The following SLC22A15 variants were observed in gnomAD, a reference collection of about 807,000 sequenced individuals.
SLC22A15 encodes flipt 1.
A neutral mutation model predicts 62.7 loss-of-function variants in SLC22A15; 45 were observed. The ratio of observed to expected loss-of-function variants is 0.72; its 90% CI spans 0.56 to 0.92. The LOEUF (loss-of-function observed/expected upper bound fraction) is 0.92, where lower values mean the gene tolerates loss of function less well. Ranked by LOEUF, SLC22A15 falls within the 40% of genes least tolerant of loss-of-function variation. The pLI is 0.00. For synonymous variants in SLC22A15, 264 were observed against 267.0 expected (o/e 0.99, Z 0.11); for missense variants, 622 against 665.6 (o/e 0.93, Z 0.72).
At position 116,010,201 on chromosome 1, in the gene SLC22A15, C is replaced by T. The variant is rs558274442; in HGVS notation, c.301-9381C>T. On this transcript the variant is annotated intron_variant, in intron 2 of 11. Coordinates refer to ENST00000369503, the MANE Select transcript of SLC22A15 (RefSeq NM_018420.3). ...CTCATTCAGAAAGCACCAAATATCACGGAGACACACAATTATCATGCTTAA... is the reference window on the plus strand; with the variant it reads ...CTCATTCAGAAAGCACCAAATATCATGGAGACACACAATTATCATGCTTAA... Among the ~76,000 whole-genome samples, 34 of 152,248 alleles carry T rather than the reference C, an allele frequency of 2.2e-4. No homozygotes were observed. The South Asian group carries it at 5.8e-3, about 26-fold the overall frequency.
At chr1:116,032,178 G>A (rs1657437648) in intron 6 of SLC22A15, 4 of 985,390 alleles carry the variant, frequency 4.1e-6, no homozygotes, top group Middle Eastern at 5.2e-4. Context: ...GATTTTTCTG[G>A]TTGTTTAGCT....
At chr1:116,043,885 T>A (rs183436507) in intron 8 of SLC22A15, among the ~76,000 whole-genome samples, 97 of 152,284 alleles carry the variant, frequency 6.4e-4, no homozygotes, top group Middle Eastern at 3.4e-3. Context: ...GATTATAAAC[T>A]ACCAAAGCTT....
At chr1:115,980,948 C>T (rs1654581251) in intron 1 of SLC22A15, among the ~76,000 whole-genome samples, 1 of 152,076 alleles carries the variant, frequency 6.6e-6, no homozygotes, top group Admixed American at 6.6e-5. Context: ...AATCAATATT[C>T]CTTTGATCAA....
intron 2 of SLC22A15, among the ~76,000 whole-genome samples, chr1:115,999,691 A>G (rs980444298): frequency 4.6e-5 from 7 of 151,670 alleles, no homozygotes; most frequent in African/African-American, 1.5e-4. Context: ...TTTAGTAGTG[A>G]TGGTGTTTCA....
chr1:116,035,275 C>T lies in SLC22A15; in HGVS notation c.1033C>T (p.Leu345Phe). ...TTATGCCAACCTGGCCCTGTCTGGC[C>T]TCATAGAGATTCCATCTTACCCTCT... The part of the protein sequence containing the change: ...SIYANLALSG[L>F]IEIPSYPLCI... The change falls in exon 7 of 12, where the codon CTC becomes TTC. Residue 345 changes from leucine (L) to phenylalanine (F), a missense_variant. Coordinates refer to ENST00000369503, the MANE Select transcript of SLC22A15 (RefSeq NM_018420.3). The T allele has an allele frequency of 6.2e-7, 1 of 1,613,362 alleles. No individual in the cohort carries two copies. The highest frequency in any genetic ancestry group is 2.2e-5 in the East Asian group (1 of 44,868).
At chr1:116,061,040 T>C (rs1658367264) in intron 8 of SLC22A15, among the ~76,000 whole-genome samples, 1 of 152,220 alleles carries the variant, frequency 6.6e-6, no homozygotes, top group Non-Finnish European at 1.5e-5. Context: ...TGAGAGAGCA[T>C]GAACACAGGT....
intron 8 of SLC22A15, among the ~76,000 whole-genome samples, chr1:116,048,745 A>G (rs762956363): frequency 1.3e-5 from 2 of 152,216 alleles, no homozygotes; most frequent in African/African-American, 2.4e-5. Context: ...AGGGTACCTC[A>G]TGTCTCAATA....
chr1:116,014,342 A>G (rs1656422321), intron 2 of SLC22A15, among the ~76,000 whole-genome samples: 1 of 152,164 alleles, frequency 6.6e-6, no homozygotes, highest in Admixed American at 6.5e-5. Context: ...TCTCAGGTCC[A>G]CTTTCTTTAG....
At chr1:116,006,907 C>T (rs1484214418) in intron 2 of SLC22A15, among the ~76,000 whole-genome samples, 2 of 151,876 alleles carry the variant, frequency 1.3e-5, no homozygotes, top group Non-Finnish European at 2.9e-5. Context: ...TTCTCACCCT[C>T]GCTTCCTCAC....
At chr1:116,066,825 C>A in intron 11 of SLC22A15, 117 bp downstream of exon 11, 1 of 1,052,798 alleles carries the variant, frequency 9.5e-7, no homozygotes, top group Non-Finnish European at 1.4e-6. Context: ...AAAGTGGGAT[C>A]TAACAGCAGC....
chr1:116,049,264 C>G (rs1657996725), intron 8 of SLC22A15, among the ~76,000 whole-genome samples: 2 of 152,142 alleles, frequency 1.3e-5, no homozygotes, highest in Admixed American at 1.3e-4. Flanking sequence ...CAGATATATA[C>G]AGAACATTTC....
chr1:116,058,704 G>A (rs1428508168), intron 8 of SLC22A15, among the ~76,000 whole-genome samples: 3 of 152,162 alleles, frequency 2.0e-5, no homozygotes, highest in East Asian at 1.9e-4. Flanking sequence ...TTACAAAATC[G>A]TGGAACCAAC....
chr1:116,028,107 T>A (rs1657191750), intron 5 of SLC22A15, among the ~76,000 whole-genome samples: 1 of 152,240 alleles, frequency 6.6e-6, no homozygotes, highest in Non-Finnish European at 1.5e-5. Flanking sequence ...ATTTATTTAC[T>A]CTTTATCCGG....
chr1:116,030,738 A>G (rs183575471), intron 5 of SLC22A15, among the ~76,000 whole-genome samples: 1 of 152,340 alleles, frequency 6.6e-6, no homozygotes, highest in Admixed American at 6.5e-5. Context: ...AGGACATATT[A>G]AAGCCAGTGT....
At position 116,026,970 on chromosome 1, in the gene SLC22A15, A is replaced by G. The variant is rs1216456841; in HGVS notation, c.676A>G (p.Thr226Ala). ...LLGYFIRSWR[T>A]LAILVNLQGT... is the part of the protein sequence containing the mutation. ...AGGATACTTCATCCGCTCCTGGAGG[A>G]CCCTAGCCATTCTGGTTAACCTGCA... The change falls in exon 5 of 12, where the codon ACC becomes GCC. Residue 226 changes from threonine to alanine, a missense_variant. Coordinates refer to ENST00000369503, the MANE Select transcript of SLC22A15 (RefSeq NM_018420.3). The G allele has an allele frequency of 3.1e-6, 5 of 1,613,766 alleles. No individual in the cohort carries two copies. The Admixed American group carries it at 6.7e-5, about 22-fold the overall frequency.
intron 4 of SLC22A15, among the ~76,000 whole-genome samples, chr1:116,022,644 C>T (rs184595822): frequency 4.6e-5 from 7 of 152,318 alleles, no homozygotes; most frequent in Middle Eastern, 6.8e-3. Context: ...GTCTCTTGCT[C>T]TCTTGCTAGT....
intron 2 of SLC22A15, among the ~76,000 whole-genome samples, chr1:115,992,891 C>T (rs1474211239): frequency 6.6e-6 from 1 of 152,104 alleles, no homozygotes; most frequent in Non-Finnish European, 1.5e-5. Flanking sequence ...TCCCAAAGTG[C>T]TGGGATTACA....
chr1:116,053,793 C>G (rs1187537169), intron 8 of SLC22A15, among the ~76,000 whole-genome samples: 6 of 152,040 alleles, frequency 3.9e-5, no homozygotes, highest in African/African-American at 1.4e-4. Context: ...AATTTCATAT[C>G]CAGCCAAACT....
chr1:116,045,291 C>T (rs1016718783), intron 8 of SLC22A15, among the ~76,000 whole-genome samples: 2 of 151,864 alleles, frequency 1.3e-5, no homozygotes, highest in African/African-American at 2.4e-5. Context: ...AGGTGATCTG[C>T]CCACCTCGGC....
Sources: allele counts gnomAD v4.1 joint callset (sites outside exome capture counted in the v4.1 genomes callset), GRCh38; gene constraint gnomAD v4.1.1; transcripts MANE v1.5; gene names NCBI Gene and HGNC (gene_info 2026-07-23, HGNC 2026-07-21).